Variants in NAV3 observed in about 807,000 individuals in gnomAD.
NAV3 encodes pore membrane and/or filament interacting like protein 1.
A neutral mutation model predicts 244.7 loss-of-function variants in NAV3; 87 were observed. The ratio of observed to expected loss-of-function variants is 0.36; its 90% confidence interval spans 0.30 to 0.42. The LOEUF is 0.42. Among genes scored for constraint, NAV3 ranks in the 20% least tolerant of loss-of-function variants. The pLI is 1.00. For synonymous variants in NAV3, 1,126 were observed against 1,042.2 expected, an observed-to-expected ratio of 1.08 and a Z score of -1.55; for missense variants, 2,663 against 2,893.3, an observed-to-expected ratio of 0.92 and a Z score of 1.83.
intron 39 of NAV3, 84 bp downstream of exon 39, chr12:78,205,222 A>G (rs1017803207): frequency 1.4e-5 from 19 of 1,365,550 alleles, no homozygotes; most frequent in Admixed American, 2.0e-5. Flanking sequence ...TAGCGAAGAC[A>G]TTTGTTATCC....
chr12:77,884,985 CAAT>C (rs1185948194), intron 1 of NAV3, among the ~76,000 whole-genome samples: 4 of 151,964 alleles, frequency 2.6e-5, no homozygotes, highest in Non-Finnish European at 5.9e-5. Context: ...ATAATGATGT[CAAT>C]GATGGATGGA....
chr12:78,128,898 G>A (rs1422579734), intron 18 of NAV3, 32 bp downstream of exon 18: 4 of 1,598,682 alleles, frequency 2.5e-6, no homozygotes, highest in Non-Finnish European at 3.4e-6. Flanking sequence ...ATTTTGTTTT[G>A]TTTCTTTCAC....
intron 1 of NAV3, among the ~76,000 whole-genome samples, chr12:77,860,943 T>G (rs1879169580): frequency 6.6e-6 from 1 of 151,942 alleles, no homozygotes; most frequent in South Asian, 2.1e-4. Context: ...GGCTGTACCC[T>G]ACAATATTCA....
At chr12:78,096,682 C>G (rs772592863) in intron 12 of NAV3, among the ~76,000 whole-genome samples, 1 of 152,070 alleles carries the variant, frequency 6.6e-6, no homozygotes, top group African/African-American at 2.4e-5. Context: ...CAGGAAAACC[C>G]GCCCCCTCAA....
intron 1 of NAV3, among the ~76,000 whole-genome samples, chr12:77,907,238 C>T (rs1886084660): frequency 6.6e-6 from 1 of 152,104 alleles, no homozygotes; most frequent in South Asian, 2.1e-4. Flanking sequence ...TGTACAAGGG[C>T]CTAGCATCAG....
At chr12:77,653,691 G>T (rs1203763974) in intron 2 of NAV3, among the ~76,000 whole-genome samples, 1 of 152,122 alleles carries the variant, frequency 6.6e-6, no homozygotes, top group African/African-American at 2.4e-5. Flanking sequence ...TCCAGAAGAT[G>T]CTATATTGCC....
intron 2 of NAV3, among the ~76,000 whole-genome samples, chr12:77,792,748 T>C (rs1018471683): frequency 1.3e-5 from 2 of 152,214 alleles, no homozygotes; most frequent in Non-Finnish European, 2.9e-5. Context: ...TATTACAATC[T>C]GAAGGCACTC....
intron 1 of NAV3, among the ~76,000 whole-genome samples, chr12:77,863,307 G>T (rs1415731047): frequency 6.6e-6 from 1 of 151,768 alleles, no homozygotes; most frequent in Non-Finnish European, 1.5e-5. Context: ...GTCTATATTT[G>T]AAATTGTAGA....
At chr12:78,120,951 A>G (rs1372743500) in intron 15 of NAV3, among the ~76,000 whole-genome samples, 2 of 152,246 alleles carry the variant, frequency 1.3e-5, no homozygotes, top group Non-Finnish European at 2.9e-5. Flanking sequence ...CCGTAGTAAT[A>G]TTAATGCTGC....
intron 7 of NAV3, among the ~76,000 whole-genome samples, chr12:78,002,052 A>G (rs554985995): frequency 6.0e-4 from 91 of 152,348 alleles, no homozygotes; most frequent in African/African-American, 2.0e-3. Flanking sequence ...AAACCATGCC[A>G]TGGTTCCTTT....
rs1955586225 is a variant in NAV3, at chr12:78,119,738, C to G, written c.3542C>G (p.Pro1181Arg). The change falls in exon 15 of 40, where the codon CCA becomes CGA. Residue 1181 changes from proline (P) to arginine (R), a missense_variant. Physicochemically the swap from Pro to Arg is moderately radical, Grantham distance 103. Transcript: ENST00000397909. ...AGATTSKLRE[P>R]TKIGSGRSSP... ...GCCACCACCTCGAAACTGAGAGAAC[C>G]AACTAAAATTGGGTCAGGGCGCTCG... is the stretch of plus-strand genomic sequence containing the variant. 6.2e-7 allele frequency: 1 copy of G among 1,614,022 alleles called. No individual in the cohort carries two copies. The highest frequency in any genetic ancestry group is 8.5e-7 in the Non-Finnish European group (1 of 1,179,990).
At chr12:77,655,096 A>G (rs987052365) in intron 2 of NAV3, among the ~76,000 whole-genome samples, 27 of 152,386 alleles carry the variant, frequency 1.8e-4, no homozygotes, top group Non-Finnish European at 3.1e-4. Flanking sequence ...GCAATGGAAC[A>G]AAGCTGGACG....
chr12:77,888,953 T>A (rs1024156592), intron 1 of NAV3, among the ~76,000 whole-genome samples: 1 of 152,152 alleles, frequency 6.6e-6, no homozygotes, highest in Non-Finnish European at 1.5e-5. Context: ...AGGACAGATT[T>A]GGTCAATTGA....
intron 5 of NAV3, among the ~76,000 whole-genome samples, chr12:77,977,708 A>ACACACACG (rs71088353): frequency 4.9e-4 from 36 of 73,348 alleles, no homozygotes; most frequent in African/African-American, 6.8e-4. Context: ...ACACACACAC[A>ACACACACG]CGCGCACACA....
Position 77,960,996 on chromosome 12 carries a change from C to T in NAV3, c.415-5233C>T, listed in dbSNP as rs917833173. On this transcript the variant is annotated intron_variant, in intron 3 of 39. Coordinates refer to ENST00000397909, the MANE Select transcript of NAV3 (RefSeq NM_001024383.2). ...TATATATGTATATGTTACATGTATA[C>T]GCATATATGTATATATGTATATGTT... 9.7e-5 allele frequency among the ~76,000 whole-genome samples: 14 copies of T among 143,682 alleles called. 1 individual carries two copies. Among genetic ancestry groups the T allele is most frequent in the Non-Finnish European group, 1.5e-4 (10 of 66,294 alleles). The allele number at this position is 143,682 out of a possible 152,430, so 94.3% of individuals were successfully genotyped here.
intron 2 of NAV3, among the ~76,000 whole-genome samples, chr12:77,674,626 G>A (rs1231423897): frequency 2.0e-5 from 3 of 152,126 alleles, no homozygotes; most frequent in African/African-American, 7.2e-5. Flanking sequence ...CTGAGCCCAT[G>A]CAATCCACCC....
chr12:77,809,295 G>A (rs910913561), intron 2 of NAV3, among the ~76,000 whole-genome samples: 1 of 152,204 alleles, frequency 6.6e-6, no homozygotes, highest in African/African-American at 2.4e-5. Context: ...CAGGGTCGTG[G>A]TGGTGTAGGC....
intron 34 of NAV3, among the ~76,000 whole-genome samples, chr12:78,195,245 A>C (rs1208772948): frequency 2.0e-5 from 3 of 151,958 alleles, no homozygotes; most frequent in Non-Finnish European, 4.4e-5. Context: ...TGCCACCACC[A>C]GTAGCATGTA....
intron 2 of NAV3, among the ~76,000 whole-genome samples, chr12:77,731,831 G>A (rs1877139303): frequency 6.6e-6 from 1 of 151,840 alleles, no homozygotes; most frequent in Admixed American, 6.6e-5. Flanking sequence ...AAAAAATAGT[G>A]GTTAGGTGCT....
Sources: allele counts gnomAD v4.1 joint callset (sites outside exome capture counted in the v4.1 genomes callset), GRCh38; gene constraint gnomAD v4.1.1; transcripts MANE v1.5; gene names NCBI Gene and HGNC (gene_info 2026-07-23, HGNC 2026-07-21).